Variants in LUZP2 observed in about 807,000 individuals in gnomAD.
LUZP2 encodes the protein leucine zipper protein 2.
A neutral mutation model predicts 51.6 loss-of-function variants in LUZP2; 52 were observed. The observed-to-expected ratio is 1.01, with a 90% CI of 0.81 to 1.27. The LOEUF (loss-of-function observed/expected upper bound fraction) is 1.27. Among genes scored for constraint, LUZP2 ranks in the 50% most tolerant of loss-of-function variants. The probability of loss-of-function intolerance (pLI) is 0.00; values close to 1 mark genes in which losing one functional copy is unlikely to be tolerated. For synonymous variants in LUZP2, 154 were observed against 137.3 expected (o/e 1.12, Z -0.85); for missense variants, 436 against 395.4 (o/e 1.10, Z -0.87).
chr11:24,503,037 A>G (rs78135439), intron 1 of LUZP2, among the ~76,000 whole-genome samples: 3 of 152,060 alleles, frequency 2.0e-5, no homozygotes, highest in Non-Finnish European at 4.4e-5. Context: ...ATTTTTTTTT[A>G]CTACGGAGAA....
intron 5 of LUZP2, among the ~76,000 whole-genome samples, chr11:24,846,654 A>G (rs1851208069): frequency 6.6e-6 from 1 of 152,144 alleles, no homozygotes; most frequent in Admixed American, 6.6e-5. Flanking sequence ...TTCTGGGAAT[A>G]CATCACACAT....
chr11:24,918,592 C>T (rs530035580), intron 7 of LUZP2, among the ~76,000 whole-genome samples: 5 of 151,318 alleles, frequency 3.3e-5, no homozygotes, highest in Non-Finnish European at 5.9e-5. Context: ...ATGACAAACC[C>T]ACAGCCAAAA....
chr11:24,692,091 G>A lies in LUZP2; in HGVS notation c.63-37078G>A, dbSNP rs538995344. Among the ~76,000 whole-genome samples, 60 of 148,106 alleles carry A rather than the reference G, an allele frequency of 4.1e-4. 1 individual carries two copies. In the South Asian group the frequency reaches 8.6e-3, roughly 21 times the overall value. Reference sequence around the variant, plus strand: ...TATTCATGCTTACATGGCATTTTACGTTTTTTTTTTCTATTCTTATTTCTT... The same window carrying A: ...TATTCATGCTTACATGGCATTTTACATTTTTTTTTTCTATTCTTATTTCTT... On this transcript the variant is annotated intron_variant, in intron 1 of 11. Coordinates refer to ENST00000336930, the MANE Select transcript of LUZP2 (RefSeq NM_001009909.4).
At chr11:24,684,118 A>G (rs1856827304) in intron 1 of LUZP2, among the ~76,000 whole-genome samples, 1 of 152,034 alleles carries the variant, frequency 6.6e-6, no homozygotes, top group South Asian at 2.1e-4. Context: ...ACTTCTCTTT[A>G]TAATGTTTTC....
At chr11:24,501,479 T>C (rs1849991230) in intron 1 of LUZP2, among the ~76,000 whole-genome samples, 1 of 152,200 alleles carries the variant, frequency 6.6e-6, no homozygotes. Context: ...AATGAAATAA[T>C]GTTTTCTGGT....
chr11:24,990,793 T>C (rs1398923218), intron 9 of LUZP2, among the ~76,000 whole-genome samples: 2 of 151,980 alleles, frequency 1.3e-5, no homozygotes, highest in African/African-American at 2.4e-5. Context: ...AATCCTTACA[T>C]AATTCTAGCC....
intron 9 of LUZP2, among the ~76,000 whole-genome samples, chr11:25,029,606 G>A (rs1230643290): frequency 6.6e-6 from 1 of 151,704 alleles, no homozygotes; most frequent in Non-Finnish European, 1.5e-5. Flanking sequence ...GCATGGTGGT[G>A]GGCACCTGTA....
At chr11:24,972,579 T>G (rs1321407344) in intron 7 of LUZP2, among the ~76,000 whole-genome samples, 3 of 152,132 alleles carry the variant, frequency 2.0e-5, no homozygotes, top group Admixed American at 2.0e-4. Context: ...ACAACAATGT[T>G]GTCCTTCTAT....
At chr11:24,663,452 C>T (rs1292671975) in intron 1 of LUZP2, among the ~76,000 whole-genome samples, 1 of 152,068 alleles carries the variant, frequency 6.6e-6, no homozygotes, top group Non-Finnish European at 1.5e-5. Context: ...AACCTTTTTT[C>T]TTCATAAATT....
intron 1 of LUZP2, among the ~76,000 whole-genome samples, chr11:24,726,370 A>C (rs979131059): frequency 6.6e-6 from 1 of 152,082 alleles, no homozygotes; most frequent in Non-Finnish European, 1.5e-5. Flanking sequence ...AGGCTAGAAT[A>C]GCTGATAGGC....
At chr11:24,953,839 A>T (rs1855143047) in intron 7 of LUZP2, among the ~76,000 whole-genome samples, 1 of 152,058 alleles carries the variant, frequency 6.6e-6, no homozygotes, top group Non-Finnish European at 1.5e-5. Flanking sequence ...TTAGCAAAAC[A>T]GTTGCAAATC....
At chr11:24,534,261 A>G (rs928928803) in intron 1 of LUZP2, among the ~76,000 whole-genome samples, 5 of 151,308 alleles carry the variant, frequency 3.3e-5, no homozygotes, top group African/African-American at 1.2e-4. Context: ...ATACATATAC[A>G]TGCATATAAA....
chr11:24,739,647 A>G (rs533140098), intron 4 of LUZP2, among the ~76,000 whole-genome samples: 1 of 152,214 alleles, frequency 6.6e-6, no homozygotes, highest in South Asian at 2.1e-4. Context: ...AGGCTCTCTA[A>G]ACACAGTCAG....
At chr11:24,909,874 A>G (rs1174990462) in intron 6 of LUZP2, among the ~76,000 whole-genome samples, 2 of 152,154 alleles carry the variant, frequency 1.3e-5, no homozygotes, top group Non-Finnish European at 2.9e-5. Context: ...CGACTTTGGA[A>G]CTGGCTAACA....
intron 5 of LUZP2, among the ~76,000 whole-genome samples, chr11:24,820,951 A>G (rs1293334087): frequency 6.6e-6 from 1 of 152,176 alleles, no homozygotes; most frequent in East Asian, 1.9e-4. Flanking sequence ...GGCAACATAT[A>G]TGAACAGTCA....
At chr11:24,681,019 G>T (rs1385025768) in intron 1 of LUZP2, among the ~76,000 whole-genome samples, 1 of 148,812 alleles carries the variant, frequency 6.7e-6, no homozygotes, top group African/African-American at 2.5e-5. Flanking sequence ...CTGTCGCCCA[G>T]GCCGGACTGC....
chr11:24,820,349 A>G (rs1850321194), intron 5 of LUZP2, among the ~76,000 whole-genome samples: 1 of 152,144 alleles, frequency 6.6e-6, no homozygotes, highest in South Asian at 2.1e-4. Flanking sequence ...TAAGGAAGCA[A>G]TGAGGATGTA....
intron 1 of LUZP2, among the ~76,000 whole-genome samples, chr11:24,589,016 G>A (rs749483306): frequency 2.6e-5 from 4 of 152,010 alleles, no homozygotes; most frequent in Admixed American, 1.3e-4. Flanking sequence ...TAACCTGGAC[G>A]TCAATTATCA....
At chr11:24,692,281 G>A (rs1857097549) in intron 1 of LUZP2, among the ~76,000 whole-genome samples, 1 of 151,900 alleles carries the variant, frequency 6.6e-6, no homozygotes, top group Non-Finnish European at 1.5e-5. Context: ...CTATGCAGAA[G>A]CAAAAAGTGC....
Sources: allele counts gnomAD v4.1 joint callset (sites outside exome capture counted in the v4.1 genomes callset), GRCh38; gene constraint gnomAD v4.1.1; transcripts MANE v1.5; gene names NCBI Gene and HGNC (gene_info 2026-07-23, HGNC 2026-07-21).